Variants in PNPO observed in about 807,000 individuals in gnomAD.
PNPO encodes pyridoxine-5'-phosphate oxidase.
In PNPO, 39 loss-of-function variants were observed where a neutral mutation model predicts 35.0. That is an observed-to-expected ratio of 1.11 (90% CI 0.86 to 1.45). The LOEUF (loss-of-function observed/expected upper bound fraction) is 1.45, where lower values mean the gene tolerates loss of function less well. Ranked by LOEUF, PNPO falls within the 40% of genes most tolerant of loss-of-function variation. The probability of loss-of-function intolerance (pLI) is 0.00; values close to 1 mark genes in which losing one functional copy is unlikely to be tolerated. For missense variants in PNPO, 288 were observed against 340.0 expected, an observed-to-expected ratio of 0.85 and a Z score of 1.20; for synonymous variants, 115 against 119.8, an observed-to-expected ratio of 0.96 and a Z score of 0.26.
Position 47,946,852 on chromosome 17 carries a change from G to C in PNPO, c.*70G>C, listed in dbSNP as rs762247051. The C allele has an allele frequency of 7.5e-6, 11 of 1,457,810 alleles. No homozygotes were observed. The highest frequency in any genetic ancestry group is 1.1e-5 in the Non-Finnish European group (11 of 1,044,866). The allele number at this position is 1,457,810 out of a possible 1,614,324, so 90.3% of individuals were successfully genotyped here. A position where few individuals can be genotyped will look rare whatever the true frequency, so the allele number is the denominator to read the frequency against. Reference sequence around the variant, plus strand: ...AGAGAGGGTGTGGGATTGGGACCCAGGCCCTTCTTTCTAAACTCAACCCAT... The same window carrying C: ...AGAGAGGGTGTGGGATTGGGACCCACGCCCTTCTTTCTAAACTCAACCCAT... On this transcript the variant is annotated 3_prime_UTR_variant, in exon 7 of 7. Coordinates refer to ENST00000642017, the MANE Select transcript of PNPO (RefSeq NM_018129.4).
In PNPO at chr17:47,945,208, G is replaced by T. The variant is rs368569843; in HGVS notation, c.364-351G>T. On this transcript the variant is annotated intron_variant, in intron 3 of 6. Coordinates refer to ENST00000642017, the MANE Select transcript of PNPO (RefSeq NM_018129.4). This position sits in a 1 kb window ranked among gnomAD's most constrained non-coding sequence, Gnocchi z 4.0. Reference sequence around the variant, plus strand: ...GTCAGACCCAGAGTGGGCACTTCGCGTGCATTCAATGAATGAATCCAAAAT... The same window carrying T: ...GTCAGACCCAGAGTGGGCACTTCGCTTGCATTCAATGAATGAATCCAAAAT... The T allele has an allele frequency of 1.5e-5, 6 of 391,804 alleles. No homozygotes were observed. The highest frequency in any genetic ancestry group is 6.2e-5 in the African/African-American group (3 of 48,328). The allele number at this position is 391,804 out of a possible 1,614,324, so 24.3% of individuals were successfully genotyped here.
Position 47,945,763 on chromosome 17 carries a change from TG to T in PNPO, c.418-96del, listed in dbSNP as rs2035998688. 7.2e-6 allele frequency: 11 copies of T among 1,520,498 alleles called. No homozygotes were observed. The South Asian group carries it at 1.0e-4, about 14-fold the overall frequency. The allele number at this position is 1,520,498 out of a possible 1,614,324, so 94.2% of individuals were successfully genotyped here. Reference sequence around the variant, plus strand: ...GCCCTCAGTTAGTTGGAGCCAAGAGTGGTGGGGCAGCCGATCGAACAGAGAG... The same window carrying T: ...GCCCTCAGTTAGTTGGAGCCAAGAGTGTGGGGCAGCCGATCGAACAGAGAG... On this transcript the variant is annotated intron_variant, in intron 4 of 6. Transcript: ENST00000642017. This position sits in a 1 kb window ranked among gnomAD's most constrained non-coding sequence, Gnocchi z 4.0.
In PNPO at chr17:47,945,776, G is replaced by A. The variant is rs1184580562; in HGVS notation, c.418-85G>A. 3.0e-5 allele frequency: 47 copies of A among 1,551,044 alleles called. No individual in the cohort carries two copies. Among genetic ancestry groups the A allele is most frequent in the African/African-American group, 4.1e-5 (3 of 73,594 alleles). ...TGGAGCCAAGAGTGGTGGGGCAGCC[G>A]ATCGAACAGAGAGGAACGGGGCCTG... is the stretch of plus-strand genomic sequence containing the variant. On this transcript the variant is annotated intron_variant, in intron 4 of 6. Transcript: ENST00000642017. This position sits in a 1 kb window ranked among gnomAD's most constrained non-coding sequence, Gnocchi z 4.0.
rs755853789 is a variant in PNPO, at chr17:47,944,611, C to T, written c.264-5C>T. On this transcript the variant is annotated splice_polypyrimidine_tract_variant and splice_region_variant and intron_variant, in intron 2 of 6. Transcript: ENST00000642017. Reference sequence around the variant, plus strand: ...TGACCACAGTGCTCTGCTCTTTGCTCCTAGAGATGGAAAACCCTCTGCTCG... The same window carrying T: ...TGACCACAGTGCTCTGCTCTTTGCTTCTAGAGATGGAAAACCCTCTGCTCG... The T allele has an allele frequency of 3.1e-6, 5 of 1,611,580 alleles. No homozygotes were observed. The highest frequency in any genetic ancestry group is 1.1e-5 in the South Asian group (1 of 91,008).
Position 47,945,796 on chromosome 17 carries a change from G to A in PNPO, c.418-65G>A. 6.3e-7 allele frequency: 1 copy of A among 1,587,928 alleles called. No individual in the cohort carries two copies. The highest frequency in any genetic ancestry group is 8.6e-7 in the Non-Finnish European group (1 of 1,164,544). ...CAGCCGATCGAACAGAGAGGAACGG[G>A]GCCTGTGCTGGTAGGGAGGGCAGGT... On this transcript the variant is annotated intron_variant, in intron 4 of 6. Transcript: ENST00000642017. The surrounding 1 kb of genome is among the most constrained non-coding windows in gnomAD (Gnocchi z 4.0).
rs773614378 is a variant in PNPO at position 47,941,687 on chromosome 17, G to T, written c.12G>T (p.Trp4Cys). The T allele has an allele frequency of 2.3e-5, 35 of 1,539,342 alleles. No homozygotes were observed. The African/African-American group carries it at 4.5e-4, about 20-fold the overall frequency. Residue 4 changes from tryptophan (W) to cysteine (C), a missense_variant, in exon 1 of 7, where the codon TGG becomes TGT. Trp to Cys is a radical substitution (Grantham distance 215). Transcript: ENST00000642017. MTC[W>C]LRGVTATFGR... ...GCCGGCGGCCCCCCATGACGTGCTG[G>T]CTGCGGGGCGTCACGGCGACGTTCG...
rs780242948 is a variant in PNPO at position 47,945,524 on chromosome 17, C to T, written c.364-35C>T. 3.1e-6 allele frequency: 5 copies of T among 1,593,576 alleles called. No individual in the cohort carries two copies. The Admixed American group carries it at 8.3e-5, about 27-fold the overall frequency. On this transcript the variant is annotated intron_variant, in intron 3 of 6. Transcript: ENST00000642017. This position sits in a 1 kb window ranked among gnomAD's most constrained non-coding sequence, Gnocchi z 4.0. Reference sequence around the variant, plus strand: ...ATGCCGGAGGCCTCCTCTCCCTGTCCTGATGGCTGGCTGTGGATTCTCTTT... The same window carrying T: ...ATGCCGGAGGCCTCCTCTCCCTGTCTTGATGGCTGGCTGTGGATTCTCTTT...
rs2036015748 is a variant in PNPO, at chr17:47,946,718, C to A, written c.722C>A (p.Ser241Tyr). Residue 241 changes from serine to tyrosine, a missense_variant, in exon 7 of 7, where the codon TCC becomes TAC. Ser to Tyr is a moderately radical substitution (Grantham distance 144, BLOSUM62 -2). Transcript: ENST00000642017. ...VFRRGLPTGD[S>Y]PLGPMTHRGE... Reference sequence around the variant, plus strand: ...CGGCGGGGCCTACCCACAGGAGATTCCCCTTTGGGGCCCATGACCCACCGC... The same window carrying A: ...CGGCGGGGCCTACCCACAGGAGATTACCCTTTGGGGCCCATGACCCACCGC... 6.2e-7 allele frequency: 1 copy of A among 1,614,170 alleles called. No individual in the cohort carries two copies. The highest frequency in any genetic ancestry group is 8.5e-7 in the Non-Finnish European group (1 of 1,179,998).
chr17:47,946,510 C>A, intron 6 of PNPO, 104 bp from the exon 7 acceptor site: 1 of 1,444,292 alleles, frequency 6.9e-7, no homozygotes, highest in Non-Finnish European at 9.8e-7. Context: ...TCAGATGCAT[C>A]CCAGCAACTT....
In PNPO at chr17:47,945,102, C is replaced by G. The variant is rs1443891732; in HGVS notation, c.363+387C>G. Reference sequence around the variant, plus strand: ...GGGTGATTATGTAACTGATATTTGTCTCCTCTGCTCAACAGTAAGCTCTGT... The same window carrying G: ...GGGTGATTATGTAACTGATATTTGTGTCCTCTGCTCAACAGTAAGCTCTGT... On this transcript the variant is annotated intron_variant, in intron 3 of 6. Coordinates refer to ENST00000642017, the MANE Select transcript of PNPO (RefSeq NM_018129.4). This position sits in a 1 kb window ranked among gnomAD's most constrained non-coding sequence, Gnocchi z 4.0. The G allele has an allele frequency of 2.6e-6, 1 of 383,896 alleles. No individual in the cohort carries two copies. The highest frequency in any genetic ancestry group is 6.4e-5 in the East Asian group (1 of 15,532). 23.8% of individuals were successfully genotyped at this position (383,896 alleles called of 1,614,324 possible).
intron 5 of PNPO, 99 bp from the exon 6 acceptor site, chr17:47,946,224 C>T (rs1456214833): frequency 1.2e-5 from 13 of 1,080,646 alleles, no homozygotes; most frequent in Non-Finnish European, 1.9e-5. Context: ...GGCCAGTCTG[C>T]TCTGCTCACC....
At chr17:47,946,233 C>T in intron 5 of PNPO, 90 bp from the exon 6 acceptor site, 1 of 1,126,936 alleles carries the variant, frequency 8.9e-7, no homozygotes, top group East Asian at 2.3e-5. Context: ...GCTCTGCTCA[C>T]CCATGTCCCC....
At chr17:47,946,431 A>AG in intron 6 of PNPO, 38 bp downstream of exon 6, 1 of 1,534,922 alleles carries the variant, frequency 6.5e-7, no homozygotes, top group Non-Finnish European at 9.0e-7. Context: ...AAGGGACACC[A>AG]GGCCCCTGTG....
chr17:47,942,051 G>A (rs1194136170), intron 1 of PNPO: 11 of 1,306,520 alleles, frequency 8.4e-6, no homozygotes, highest in South Asian at 2.3e-5. Context: ...TTTCGTAATG[G>A]GTAAGAGCTC....
At chr17:47,944,755 G>A in intron 3 of PNPO, 40 bp downstream of exon 3, 1 of 1,531,170 alleles carries the variant, frequency 6.5e-7, no homozygotes, top group Non-Finnish European at 9.1e-7. Flanking sequence ...AGGGCCTGCA[G>A]GGTTTGGCTC....
chr17:47,947,103 G>T lies in PNPO; in HGVS notation c.*321G>T. 2.8e-6 allele frequency: 1 copy of T among 357,518 alleles called. No individual in the cohort carries two copies. 22.1% of individuals were successfully genotyped at this position (357,518 alleles called of 1,614,324 possible). ...TGACTCCCTTTCTGGTGACAGACAG[G>T]GCCCCAGCAGCCCTGTCTGTTACCA... is the stretch of plus-strand genomic sequence containing the variant. On this transcript the variant is annotated 3_prime_UTR_variant, in exon 7 of 7. Transcript: ENST00000642017.
Position 47,945,287 on chromosome 17 carries a change from A to C in PNPO, c.364-272A>C. The stretch of plus-strand genomic sequence containing the variant: ...CAAGCATGCATTTCTCAAGACTCAC[A>C]AATCTGTGGGTGAGAGAAATCACCC... On this transcript the variant is annotated intron_variant, in intron 3 of 6. Transcript: ENST00000642017. This position sits in a 1 kb window ranked among gnomAD's most constrained non-coding sequence, Gnocchi z 4.0. 2.1e-6 allele frequency: 1 copy of C among 482,970 alleles called. No individual in the cohort carries two copies. The highest frequency in any genetic ancestry group is 3.8e-6 in the Non-Finnish European group (1 of 262,700). The allele number at this position is 482,970 out of a possible 1,614,324, so 29.9% of individuals were successfully genotyped here.
In PNPO at chr17:47,945,496, T is replaced by G; in HGVS notation, c.364-63T>G. The G allele has an allele frequency of 7.6e-7, 1 of 1,320,556 alleles. No individual in the cohort carries two copies. Among genetic ancestry groups the G allele is most frequent in the South Asian group, 1.2e-5 (1 of 85,096 alleles). 81.8% of individuals were successfully genotyped at this position (1,320,556 alleles called of 1,614,324 possible). A position where few individuals can be genotyped will look rare whatever the true frequency, so the allele number is the denominator to read the frequency against. On this transcript the variant is annotated intron_variant, in intron 3 of 6. Transcript: ENST00000642017. This position sits in a 1 kb window ranked among gnomAD's most constrained non-coding sequence, Gnocchi z 4.0. Reference sequence around the variant, plus strand: ...CACTACAGCTCTCCTGCCTTTTCCCTGCATGCCGGAGGCCTCCTCTCCCTG... The same window carrying G: ...CACTACAGCTCTCCTGCCTTTTCCCGGCATGCCGGAGGCCTCCTCTCCCTG...
chr17:47,944,963 G>A (rs2035989638), intron 3 of PNPO: 4 of 571,350 alleles, frequency 7.0e-6, no homozygotes, highest in Non-Finnish European at 1.3e-5. Context: ...TACCTCCTCA[G>A]GAAGGCCTTC....
Sources: allele counts gnomAD v4.1 joint callset, GRCh38; gene constraint gnomAD v4.1.1; non-coding constraint Gnocchi (gnomAD v3.1); transcripts MANE v1.5; gene names NCBI Gene and HGNC (gene_info 2026-07-23, HGNC 2026-07-21).